The following SLC16A12 variants were observed in gnomAD, a reference collection of about 807,000 sequenced individuals.
The protein encoded by SLC16A12 is monocarboxylate transporter 12.
SLC16A12 carries 17 observed loss-of-function variants against 42.4 expected under a neutral mutation model. The ratio of observed to expected loss-of-function variants is 0.40; its 90% CI spans 0.27 to 0.60. The LOEUF is 0.60. Ranked by LOEUF, SLC16A12 falls within the 20% of genes least tolerant of loss-of-function variation. SLC16A12 has a pLI of 0.42. For synonymous variants in SLC16A12, 224 were observed against 229.4 expected (o/e 0.98, Z 0.21); for missense variants, 544 against 623.0 (o/e 0.87, Z 1.35).
At chr10:89,503,975 A>G (rs927316038) in intron 2 of SLC16A12, among the ~76,000 whole-genome samples, 2 of 152,222 alleles carry the variant, frequency 1.3e-5, no homozygotes, top group Admixed American at 1.3e-4. Flanking sequence ...AGACATGTTG[A>G]GAGGAAATAA....
chr10:89,516,010 T>C (rs1843245295), intron 2 of SLC16A12, among the ~76,000 whole-genome samples: 2 of 152,174 alleles, frequency 1.3e-5, no homozygotes, highest in African/African-American at 4.8e-5. Flanking sequence ...GTATATTATA[T>C]AGTAAATCTT....
chr10:89,533,920 G>A (rs1843602061), intron 2 of SLC16A12, among the ~76,000 whole-genome samples: 2 of 152,076 alleles, frequency 1.3e-5, no homozygotes, highest in South Asian at 4.1e-4. Flanking sequence ...AATGCCTAGA[G>A]GCAATATGCC....
intron 7 of SLC16A12, among the ~76,000 whole-genome samples, chr10:89,434,466 G>C (rs559560784): frequency 2.6e-5 from 4 of 152,076 alleles, no homozygotes; most frequent in Non-Finnish European, 5.9e-5. Context: ...ATATTTTGGG[G>C]GCAGTTTTCA....
chr10:89,525,220 C>CAAAAAAAAAA (rs869295721), intron 2 of SLC16A12, among the ~76,000 whole-genome samples: 3 of 64,664 alleles, frequency 4.6e-5, no homozygotes, highest in African/African-American at 5.4e-5. Context: ...GACACCATAT[C>CAAAAAAAAAA]AAAAAAAAAA....
chr10:89,555,526 T>C (rs1843806356), intron 2 of SLC16A12, among the ~76,000 whole-genome samples: 2 of 146,096 alleles, frequency 1.4e-5, no homozygotes, highest in Non-Finnish European at 3.0e-5. Context: ...TATATATGTG[T>C]ATATATACGT....
chr10:89,486,603 AAAAG>A (rs141642264), intron 2 of SLC16A12, among the ~76,000 whole-genome samples: 7,073 of 70,094 alleles, frequency 0.1, 479 homozygotes, highest in Middle Eastern at 0.13. Context: ...AAAAAAAAAA[AAAAG>A]AAAGAAAGAA....
chr10:89,469,556 G>T (rs1842460652), intron 2 of SLC16A12, among the ~76,000 whole-genome samples: 1 of 152,126 alleles, frequency 6.6e-6, no homozygotes, highest in South Asian at 2.1e-4. Context: ...CACTTGTTTT[G>T]GAAGGCCCCC....
chr10:89,433,311 G>GT lies in SLC16A12; in HGVS notation c.1303dup (p.Thr435AsnfsTer19). 6.2e-7 allele frequency: 1 copy of GT among 1,614,004 alleles called. No homozygotes were observed. The highest frequency in any genetic ancestry group is 8.5e-7 in the Non-Finnish European group (1 of 1,179,996). On this transcript the variant is annotated frameshift_variant, in exon 8 of 8. Coordinates refer to ENST00000371790, the MANE Select transcript of SLC16A12 (RefSeq NM_213606.4). LOFTEE classifies it high-confidence loss of function. ...GAATGCTGCAGTGTAGCTGCCGGTGGTATCTACCAGCCGTCCTGTAACAAA... is the reference window on the plus strand; with the variant it reads ...GAATGCTGCAGTGTAGCTGCCGGTGGTTATCTACCAGCCGTCCTGTAACAAA...
chr10:89,470,548 T>C (rs762848072), intron 2 of SLC16A12, among the ~76,000 whole-genome samples: 1 of 152,028 alleles, frequency 6.6e-6, no homozygotes, highest in Non-Finnish European at 1.5e-5. Context: ...ATGTTCTCAA[T>C]AGAGACATGG....
At chr10:89,466,845 T>G (rs577321789) in intron 2 of SLC16A12, among the ~76,000 whole-genome samples, 76 of 152,316 alleles carry the variant, frequency 5.0e-4, no homozygotes, top group Non-Finnish European at 1.0e-4. Context: ...GGCAGTAAGA[T>G]TTTCAACTTC....
intron 2 of SLC16A12, among the ~76,000 whole-genome samples, chr10:89,487,895 T>C (rs963655060): frequency 7.0e-6 from 1 of 142,064 alleles, no homozygotes. Flanking sequence ...CTATTCACAA[T>C]AGTAAAGTCA....
intron 2 of SLC16A12, among the ~76,000 whole-genome samples, chr10:89,541,769 A>G (rs1367522434): frequency 6.6e-6 from 1 of 152,202 alleles, no homozygotes; most frequent in Non-Finnish European, 1.5e-5. Flanking sequence ...ATTAGGTGCC[A>G]ATAGTAATGC....
chr10:89,436,868 A>AAAAAAAGAAAGAAAGAAAGAAAGAAAG (rs1554884214), intron 6 of SLC16A12, among the ~76,000 whole-genome samples: 1 of 120,424 alleles, frequency 8.3e-6, no homozygotes, highest in Non-Finnish European at 1.7e-5. Flanking sequence ...GAAATAAAGA[A>AAAAAAAGAAAGAAAGAAAGAAAGAAAG]AAAGAAAGAA....
At position 89,451,536 on chromosome 10, in the gene SLC16A12, C is replaced by T. The variant is rs113201516; in HGVS notation, c.201-7677G>A. Among the ~76,000 whole-genome samples the T allele has an allele frequency of 8.8e-4, 134 of 152,106 alleles. 1 individual carries two copies. Among genetic ancestry groups the T allele is most frequent in the African/African-American group, 3.1e-3 (130 of 41,478 alleles). ...AAGCAATTATCCTGTCTCAGCCTCCCGAGTAGCTGGGATTACAGGCGCCCG... is the reference window on the plus strand; with the variant it reads ...AAGCAATTATCCTGTCTCAGCCTCCTGAGTAGCTGGGATTACAGGCGCCCG... On this transcript the variant is annotated intron_variant, in intron 3 of 7. Coordinates refer to ENST00000371790, the MANE Select transcript of SLC16A12 (RefSeq NM_213606.4).
intron 3 of SLC16A12, among the ~76,000 whole-genome samples, chr10:89,452,177 C>G (rs1341171658): frequency 6.6e-6 from 1 of 152,158 alleles, no homozygotes; most frequent in Non-Finnish European, 1.5e-5. Context: ...CCCTTTCAGT[C>G]CTTCCTGACT....
intron 2 of SLC16A12, among the ~76,000 whole-genome samples, chr10:89,520,744 G>T (rs1177000004): frequency 1.7e-5 from 2 of 120,190 alleles, no homozygotes; most frequent in East Asian, 2.3e-4. Flanking sequence ...AAAAAAAAAT[G>T]GAACCCCTGG....
chr10:89,455,621 TG>T (rs2133726903), intron 3 of SLC16A12, among the ~76,000 whole-genome samples: 1 of 152,338 alleles, frequency 6.6e-6, no homozygotes, highest in African/African-American at 2.4e-5. Context: ...TGTATGCCTC[TG>T]AACACAGGCA....
intron 2 of SLC16A12, among the ~76,000 whole-genome samples, chr10:89,469,401 G>A (rs555873109): frequency 5.7e-4 from 87 of 152,232 alleles, no homozygotes; most frequent in Middle Eastern, 3.4e-3. Context: ...CAGTAAACTC[G>A]CAGTAAAGCA....
At chr10:89,447,670 C>A (rs532883240) in intron 3 of SLC16A12, among the ~76,000 whole-genome samples, 9 of 152,140 alleles carry the variant, frequency 5.9e-5, no homozygotes, top group Non-Finnish European at 1.2e-4. Flanking sequence ...GATTTAAAAT[C>A]GACACCCTAA....
Sources: gnomAD v4.1 joint callset for allele counts (sites outside exome capture counted in the v4.1 genomes callset) on GRCh38, gnomAD v4.1.1 for gene constraint, MANE v1.5 for transcripts, NCBI Gene and HGNC (gene_info 2026-07-23, HGNC 2026-07-21) for gene names.